The following IVNS1ABP variants were observed in gnomAD, a reference collection of about 807,000 sequenced individuals.
IVNS1ABP encodes the protein influenza virus NS1A-binding protein.
In IVNS1ABP, 25 loss-of-function variants were observed where a neutral mutation model predicts 78.9. The observed-to-expected ratio is 0.32, with a 90% confidence interval of 0.23 to 0.44. IVNS1ABP has a LOEUF of 0.44. Ranked by LOEUF, IVNS1ABP falls within the 20% of genes least tolerant of loss-of-function variation. The probability of loss-of-function intolerance (pLI) is 1.00; values close to 1 mark genes in which losing one functional copy is unlikely to be tolerated. For synonymous variants in IVNS1ABP, 241 were observed against 259.7 expected, an observed-to-expected ratio of 0.93 and a Z score of 0.69; for missense variants, 494 against 768.9, an observed-to-expected ratio of 0.64 and a Z score of 4.23.
At chr1:185,309,891 G>C (rs1665839326) in intron 2 of IVNS1ABP, among the ~76,000 whole-genome samples, 1 of 152,136 alleles carries the variant, frequency 6.6e-6, no homozygotes, top group African/African-American at 2.4e-5. Context: ...GTACATATAG[G>C]TTTCCTTGGA....
At position 185,317,124 on chromosome 1, in the gene IVNS1ABP, G is replaced by A. The variant is rs1484679638; in HGVS notation, c.-418C>T. The A allele has an allele frequency of 2.7e-5, 10 of 375,530 alleles. No individual in the cohort carries two copies. The South Asian group carries it at 1.4e-3, about 54-fold the overall frequency. 23.3% of individuals were successfully genotyped at this position (375,530 alleles called of 1,614,324 possible). A position where few individuals can be genotyped will look rare whatever the true frequency, so the allele number is the denominator to read the frequency against. ...GTGGAGACTGAAAGGAAGGGGGAGC[G>A]CCACCGAGAACTCGCGGGAACTCGC... On this transcript the variant is annotated 5_prime_UTR_variant, in exon 1 of 15. Transcript: ENST00000367498.
At position 185,298,786 on chromosome 1, in the gene IVNS1ABP, A is replaced by C. The variant is rs1571736652; in HGVS notation, c.1676-498T>G. 6.3e-6 allele frequency: 1 copy of C among 157,660 alleles called. No individual in the cohort carries two copies. The highest frequency in any genetic ancestry group is 1.8e-4 in the South Asian group (1 of 5,486). 9.8% of individuals were successfully genotyped at this position (157,660 alleles called of 1,614,324 possible). A position where few individuals can be genotyped will look rare whatever the true frequency, so the allele number is the denominator to read the frequency against. On this transcript the variant is annotated intron_variant, in intron 14 of 14. Transcript: ENST00000367498. The surrounding 1 kb of genome is among the most constrained non-coding windows in gnomAD (Gnocchi z 4.1). ...CTGTATAAAATGATTTTGGGGCCAGATGCGGTGGCTCATGCCTATAATCCC... is the reference window on the plus strand; with the variant it reads ...CTGTATAAAATGATTTTGGGGCCAGCTGCGGTGGCTCATGCCTATAATCCC...
intron 1 of IVNS1ABP, among the ~76,000 whole-genome samples, chr1:185,315,979 C>G (rs145398423): frequency 2.0e-5 from 3 of 152,294 alleles, no homozygotes; most frequent in Admixed American, 6.5e-5. Flanking sequence ...CTGTCTCAAA[C>G]CAATAGATAT....
rs1558114639 is a variant in IVNS1ABP at position 185,300,027 on chromosome 1, C to T, written c.1473G>A (p.Leu491=). Residue 491 remains leucine, a synonymous_variant, in exon 13 of 15, where the codon TTG becomes TTA. Transcript: ENST00000367498. The part of the protein sequence containing the change: ...NCDVFDPVTK[L]WTSCAPLNIR... The stretch of plus-strand genomic sequence containing the variant: ...TGTTAAGAGGGGCACAGCTTGTCCA[C>T]AACTTTGTTACAGGATCAAATACAT... 6.2e-6 allele frequency: 10 copies of T among 1,613,278 alleles called. No homozygotes were observed. The highest frequency in any genetic ancestry group is 7.6e-6 in the Non-Finnish European group (9 of 1,179,702).
Position 185,305,775 on chromosome 1 carries a change from G to T in IVNS1ABP, c.658-132C>A. ...GCTTCTTGACATATTACTCTGGCAG[G>T]ATCCGGAGGTAAAGAAAAATACATG... is the stretch of plus-strand genomic sequence containing the variant. On this transcript the variant is annotated intron_variant, in intron 7 of 14. Coordinates refer to ENST00000367498, the MANE Select transcript of IVNS1ABP (RefSeq NM_006469.5). This position sits in a 1 kb window ranked among gnomAD's most constrained non-coding sequence, Gnocchi z 4.0. The T allele has an allele frequency of 6.4e-6, 6 of 942,948 alleles. No individual in the cohort carries two copies. The highest frequency in any genetic ancestry group is 8.8e-6 in the Non-Finnish European group (6 of 680,864). The allele number at this position is 942,948 out of a possible 1,614,324, so 58.4% of individuals were successfully genotyped here. A position where few individuals can be genotyped will look rare whatever the true frequency, so the allele number is the denominator to read the frequency against.
chr1:185,305,696 A>G lies in IVNS1ABP; in HGVS notation c.658-53T>C. 6.2e-7 allele frequency: 1 copy of G among 1,602,468 alleles called. No homozygotes were observed. Among genetic ancestry groups the G allele is most frequent in the Non-Finnish European group, 8.5e-7 (1 of 1,173,650 alleles). On this transcript the variant is annotated intron_variant, in intron 7 of 14. Transcript: ENST00000367498. This position sits in a 1 kb window ranked among gnomAD's most constrained non-coding sequence, Gnocchi z 4.0. Reference sequence around the variant, plus strand: ...TGGCTACGGTCACCATGGCTACTCCACTAGTATGCAGATTACACAAACGCC... The same window carrying G: ...TGGCTACGGTCACCATGGCTACTCCGCTAGTATGCAGATTACACAAACGCC...
chr1:185,309,582 T>G (rs998395558), intron 2 of IVNS1ABP, 71 bp from the exon 3 acceptor site: 1 of 753,972 alleles, frequency 1.3e-6, no homozygotes, highest in African/African-American at 1.8e-5. Context: ...TGCTAAAGAG[T>G]AATACAGTCT....
In IVNS1ABP at chr1:185,298,489, C is replaced by T. The variant is rs1665482357; in HGVS notation, c.1676-201G>A. The T allele has an allele frequency of 1.7e-6, 1 of 574,704 alleles. No homozygotes were observed. Among genetic ancestry groups the T allele is most frequent in the Non-Finnish European group, 3.0e-6 (1 of 335,586 alleles). The allele number at this position is 574,704 out of a possible 1,614,324, so 35.6% of individuals were successfully genotyped here. The stretch of plus-strand genomic sequence containing the variant: ...ATCAAATCAATAAAAAAACCATTCC[C>T]ACGTGGAACTTAGGCAACTTAAAAG... On this transcript the variant is annotated intron_variant, in intron 14 of 14. Coordinates refer to ENST00000367498, the MANE Select transcript of IVNS1ABP (RefSeq NM_006469.5). This position sits in a 1 kb window ranked among gnomAD's most constrained non-coding sequence, Gnocchi z 4.1.
chr1:185,309,525 AG>A lies in IVNS1ABP; in HGVS notation c.-18-15del, dbSNP rs750050338. 8 of 1,286,522 alleles carry A rather than the reference AG, an allele frequency of 6.2e-6. No homozygotes were observed. Among genetic ancestry groups the A allele is most frequent in the Non-Finnish European group, 9.0e-6 (8 of 885,152 alleles). 79.7% of individuals were successfully genotyped at this position (1,286,522 alleles called of 1,614,324 possible). A position where few individuals can be genotyped will look rare whatever the true frequency, so the allele number is the denominator to read the frequency against. ...TTATAAATTTGGCTAGATGATGAAA[AG>A]AAAGCTGAGTTATTTTACTTGCAAC... On this transcript the variant is annotated splice_polypyrimidine_tract_variant and intron_variant, in intron 2 of 14. Coordinates refer to ENST00000367498, the MANE Select transcript of IVNS1ABP (RefSeq NM_006469.5).
rs1446766953 is a variant in IVNS1ABP, at chr1:185,299,747, A to G, written c.1638T>C (p.Asn546=). Residue 546 remains asparagine (N), a synonymous_variant, in exon 14 of 15, where the codon AAT becomes AAC. Coordinates refer to ENST00000367498, the MANE Select transcript of IVNS1ABP (RefSeq NM_006469.5). ...CCACTCCAGCTCCTCGCCTAGCCAC[A>G]TTCATGGGTGCAATTAAAGTCCAGG... is the stretch of plus-strand genomic sequence containing the variant. ...NNTWTLIAPM[N]VARRGAGVAV... 6.2e-7 allele frequency: 1 copy of G among 1,613,586 alleles called. No homozygotes were observed. Among genetic ancestry groups the G allele is most frequent in the Non-Finnish European group, 8.5e-7 (1 of 1,179,760 alleles).
chr1:185,307,849 T>G, intron 5 of IVNS1ABP, 187 bp from the exon 6 acceptor site: 7 of 1,300,260 alleles, frequency 5.4e-6, no homozygotes, highest in Non-Finnish European at 7.3e-6. Flanking sequence ...CATACAGATA[T>G]GTAAGTTTTA....
intron 1 of IVNS1ABP, among the ~76,000 whole-genome samples, chr1:185,315,609 G>A (rs905099989): frequency 2.0e-5 from 3 of 152,296 alleles, no homozygotes; most frequent in African/African-American, 4.8e-5. Flanking sequence ...CAATTCTAAA[G>A]TCCATGTTTA....
chr1:185,309,141 G>C lies in IVNS1ABP; in HGVS notation c.143C>G (p.Ala48Gly), dbSNP rs762599573. 6.2e-7 allele frequency: 1 copy of C among 1,601,516 alleles called. No individual in the cohort carries two copies. The highest frequency in any genetic ancestry group is 8.5e-7 in the Non-Finnish European group (1 of 1,175,608). The part of the protein sequence containing the change: ...VCGHEMLAHR[A>G]VLACCSPYLF... ...ATAGGGACTGCAGCAAGCTAGCACT[G>C]CTCTGTGTGCTAACATTTCATGGCC... Residue 48 changes from alanine (A) to glycine (G), a missense_variant, in exon 4 of 15, where the codon GCA (alanine) becomes GGA (glycine). Ala to Gly is a moderately conservative substitution (Grantham distance 60). Transcript: ENST00000367498.
At chr1:185,299,635 G>T in intron 14 of IVNS1ABP, 75 bp downstream of exon 14, 1 of 1,348,596 alleles carries the variant, frequency 7.4e-7, no homozygotes, top group Non-Finnish European at 1.1e-6. Flanking sequence ...TATAGTCATT[G>T]GCCTTTTCTC....
In IVNS1ABP at chr1:185,307,641, A is replaced by G. The variant is rs959035894; in HGVS notation, c.379T>C (p.Ser127Pro). 4 of 1,613,386 alleles carry G rather than the reference A, an allele frequency of 2.5e-6. No individual in the cohort carries two copies. The highest frequency in any genetic ancestry group is 2.5e-6 in the Non-Finnish European group (3 of 1,179,592). Residue 127 changes from serine (S) to proline (P), a missense_variant, in exon 6 of 15, where the codon TCT (serine) becomes CCT (proline). By Grantham distance (74) the Ser-to-Pro change is moderately conservative. Transcript: ENST00000367498. Reference sequence around the variant, plus strand: ...ATGCAGCTGGTAACATCCATTCTAGACAGTAAATAATCACCACAAACCTTG... The same window carrying G: ...ATGCAGCTGGTAACATCCATTCTAGGCAGTAAATAATCACCACAAACCTTG... Reference protein sequence around the residue: ...VKQVCGDYLLSRMDVTSCISY... With the variant: ...VKQVCGDYLLPRMDVTSCISY...
chr1:185,311,014 G>A (rs532217893), intron 2 of IVNS1ABP, 81 bp downstream of exon 2: 1 of 300,428 alleles, frequency 3.3e-6, no homozygotes, highest in South Asian at 1.6e-4. Context: ...AAAAGAGTAT[G>A]AAAGGTTTAC....
chr1:185,309,283 C>A (rs1665823621), intron 3 of IVNS1ABP, 100 bp downstream of exon 3: 2 of 1,215,934 alleles, frequency 1.6e-6, no homozygotes, highest in Non-Finnish European at 2.3e-6. Context: ...TTTAAAAAAT[C>A]ATTTCATTAA....
Position 185,305,616 on chromosome 1 carries a change from G to T in IVNS1ABP, c.685C>A (p.His229Asn). Residue 229 changes from histidine to asparagine, a missense_variant, in exon 8 of 15, where the codon CAC becomes AAC. Coordinates refer to ENST00000367498, the MANE Select transcript of IVNS1ABP (RefSeq NM_006469.5). This position sits in a 1 kb window ranked among gnomAD's most constrained non-coding sequence, Gnocchi z 4.0. ...EVQTLYYSAD[H>N]KLLDGNLLDG... ...AGTAGGTTCCCATCAAGCAGCTTGTGATCAGCTGAGTAGTACAAGGTTTGA... is the reference window on the plus strand; with the variant it reads ...AGTAGGTTCCCATCAAGCAGCTTGTTATCAGCTGAGTAGTACAAGGTTTGA... 1 of 1,613,150 alleles carries T rather than the reference G, an allele frequency of 6.2e-7. No individual in the cohort carries two copies. Among genetic ancestry groups the T allele is most frequent in the Non-Finnish European group, 8.5e-7 (1 of 1,179,490 alleles).
At position 185,299,691 on chromosome 1, in the gene IVNS1ABP, T is replaced by A; in HGVS notation, c.1675+19A>T. On this transcript the variant is annotated intron_variant, in intron 14 of 14. Transcript: ENST00000367498. ...CTTGCCACTATCTACTCTTCACCTC[T>A]CCAAATCCCAACACTCACCATTAAG... 6.2e-7 allele frequency: 1 copy of A among 1,613,016 alleles called. No individual in the cohort carries two copies. Among genetic ancestry groups the A allele is most frequent in the Non-Finnish European group, 8.5e-7 (1 of 1,179,196 alleles).
Sources: allele counts gnomAD v4.1 joint callset (sites outside exome capture counted in the v4.1 genomes callset), GRCh38; gene constraint gnomAD v4.1.1; non-coding constraint Gnocchi (gnomAD v3.1); transcripts MANE v1.5; gene names NCBI Gene and HGNC (gene_info 2026-07-23, HGNC 2026-07-21).